Variants in IPO8 observed in about 807,000 individuals in gnomAD.
IPO8 encodes the protein importin 8.
IPO8 carries 65 observed loss-of-function variants against 141.2 expected under a neutral mutation model. That is an observed-to-expected ratio of 0.46 (90% confidence interval 0.38 to 0.57). The LOEUF (loss-of-function observed/expected upper bound fraction) is 0.57. Among genes scored for constraint, IPO8 ranks in the 20% least tolerant of loss-of-function variants. IPO8 has a pLI of 0.00. For synonymous variants in IPO8, 411 were observed against 420.3 expected, an observed-to-expected ratio of 0.98 and a Z score of 0.27; for missense variants, 980 against 1,246.8, an observed-to-expected ratio of 0.79 and a Z score of 3.22.
At chr12:30,679,771 A>G (rs1378148398) in intron 5 of IPO8, among the ~76,000 whole-genome samples, 2 of 152,216 alleles carry the variant, frequency 1.3e-5, no homozygotes, top group African/African-American at 4.8e-5. Context: ...TCCTCTTCTC[A>G]CGACAAATTC....
At chr12:30,664,756 T>C (rs2052937192) in intron 13 of IPO8, among the ~76,000 whole-genome samples, 1 of 152,016 alleles carries the variant, frequency 6.6e-6, no homozygotes, top group Non-Finnish European at 1.5e-5. Flanking sequence ...TTTCCTTTTT[T>C]TTTGAGACAG....
Position 30,656,688 on chromosome 12 carries a change from T to C in IPO8, c.1944A>G (p.Val648=). 1 of 1,545,630 alleles carries C rather than the reference T, an allele frequency of 6.5e-7. No homozygotes were observed. The highest frequency in any genetic ancestry group is 8.8e-7 in the Non-Finnish European group (1 of 1,136,638). Residue 648 remains valine (V), a synonymous_variant, in exon 17 of 25, where the codon GTA becomes GTG. Transcript: ENST00000256079. The part of the protein sequence containing the change: ...RIIDLVLQKH[V]IEFYEEILSL... ...TTATTTAACCTTTGAACTTACCAAT[T>C]ACATGTTTCTGCAGAACAAGATCAA... is the stretch of plus-strand genomic sequence containing the variant.
chr12:30,636,835 G>T, intron 22 of IPO8, 147 bp downstream of exon 22: 1 of 690,006 alleles, frequency 1.4e-6, no homozygotes, highest in Non-Finnish European at 2.4e-6. Context: ...TTAATAGCAA[G>T]TCAACCAAGC....
In IPO8 at chr12:30,630,383, T is replaced by G. The variant is rs994663771; in HGVS notation, c.*477A>C. The G allele has an allele frequency of 1.3e-5, 2 of 152,860 alleles. No homozygotes were observed. The highest frequency in any genetic ancestry group is 4.8e-5 in the African/African-American group (2 of 41,580). The allele number at this position is 152,860 out of a possible 1,614,324, so 9.5% of individuals were successfully genotyped here. A position where few individuals can be genotyped will look rare whatever the true frequency, so the allele number is the denominator to read the frequency against. ...CTAACAATAAATTCACAGAGTAAAA[T>G]GCAGAATAGTTGACATATAACCAAG... is the stretch of plus-strand genomic sequence containing the variant. On this transcript the variant is annotated 3_prime_UTR_variant, in exon 25 of 25. Coordinates refer to ENST00000256079, the MANE Select transcript of IPO8 (RefSeq NM_006390.4).
Position 30,641,518 on chromosome 12 carries a change from T to C in IPO8, c.2269-1783A>G, listed in dbSNP as rs1043794645. ...CTTTTTTTTTTTTTTTTTTCTTTTTTGGAGACAGAGTCTTGCTCTGTCACC... is the reference window on the plus strand; with the variant it reads ...CTTTTTTTTTTTTTTTTTTCTTTTTCGGAGACAGAGTCTTGCTCTGTCACC... On this transcript the variant is annotated intron_variant, in intron 20 of 24. Coordinates refer to ENST00000256079, the MANE Select transcript of IPO8 (RefSeq NM_006390.4). Among the ~76,000 whole-genome samples the C allele has an allele frequency of 1.3e-4, 19 of 150,774 alleles. No individual in the cohort carries two copies. The South Asian group carries it at 4.0e-3, about 32-fold the overall frequency.
At chr12:30,668,895 A>G (rs1462826957) in intron 10 of IPO8, among the ~76,000 whole-genome samples, 1 of 152,222 alleles carries the variant, frequency 6.6e-6, no homozygotes, top group African/African-American at 2.4e-5. Flanking sequence ...AAAGGCACAA[A>G]AACGGATGGT....
chr12:30,643,861 A>T (rs540315705), intron 20 of IPO8, among the ~76,000 whole-genome samples: 1 of 152,228 alleles, frequency 6.6e-6, no homozygotes, highest in Admixed American at 6.5e-5. Flanking sequence ...TTTATTCTAT[A>T]GTCTTCTGAA....
rs180734465 is a variant in IPO8 at position 30,655,956 on chromosome 12, C to T, written c.1948+728G>A. 1.4e-4 allele frequency among the ~76,000 whole-genome samples: 22 copies of T among 152,336 alleles called. No individual in the cohort carries two copies. In the East Asian group the frequency reaches 3.1e-3, roughly 21 times the overall value. On this transcript the variant is annotated intron_variant, in intron 17 of 24. Transcript: ENST00000256079. ...GAATACGATGGAAGACTCACCTCCT[C>T]TACAAAATTCCCATCAGCTTGTAAC... is the stretch of plus-strand genomic sequence containing the variant.
chr12:30,637,395 T>C (rs985211501), intron 21 of IPO8, among the ~76,000 whole-genome samples: 2 of 152,232 alleles, frequency 1.3e-5, no homozygotes, highest in Non-Finnish European at 2.9e-5. Context: ...ATTGGGAGTC[T>C]GCAATTAACA....
At chr12:30,667,779 C>G (rs1363175811) in intron 10 of IPO8, among the ~76,000 whole-genome samples, 13 of 152,136 alleles carry the variant, frequency 8.5e-5, no homozygotes, top group Non-Finnish European at 4.4e-5. Context: ...GTATGTATAC[C>G]TATCTTATCA....
At chr12:30,674,904 G>C (rs2136163994) in intron 6 of IPO8, 151 bp from the exon 7 acceptor site, 2 of 628,722 alleles carry the variant, frequency 3.2e-6, no homozygotes, top group Non-Finnish European at 5.7e-6. Context: ...AGATTGCTAG[G>C]CAGGAATTAA....
chr12:30,669,531 T>C (rs1287605077), intron 9 of IPO8, among the ~76,000 whole-genome samples: 1 of 152,138 alleles, frequency 6.6e-6, no homozygotes, highest in Non-Finnish European at 1.5e-5. Flanking sequence ...GTGACTCATG[T>C]CTGTAATCCT....
intron 8 of IPO8, among the ~76,000 whole-genome samples, chr12:30,673,553 T>A (rs2053079698): frequency 6.6e-6 from 1 of 152,200 alleles, no homozygotes; most frequent in African/African-American, 2.4e-5. Context: ...AGTTCTCAGC[T>A]AAGAGTCTTG....
chr12:30,678,989 G>A (rs1232995248), intron 5 of IPO8, among the ~76,000 whole-genome samples: 3 of 152,154 alleles, frequency 2.0e-5, no homozygotes, highest in African/African-American at 4.8e-5. Context: ...AGAGGCACCC[G>A]CCATCATTTC....
chr12:30,674,034 A>G lies in IPO8; in HGVS notation c.865T>C (p.Phe289Leu). ...PGNVTKEYFE[F>L]SEFFLKTYAV... ...TAGGTTTTCAAAAAGAATTCAGAAA[A>G]TTCAAAGTATTCTTTTGTGACATTT... The change falls in exon 8 of 25, where the codon TTT becomes CTT. Residue 289 changes from phenylalanine to leucine, a missense_variant. By Grantham distance (22) the Phe-to-Leu change is conservative. Around this residue, in one of 3 missense-constraint regions of IPO8, gnomAD observed 924 missense variants for 1,153.9 expected, o/e 0.80. Transcript: ENST00000256079. 6.3e-7 allele frequency: 1 copy of G among 1,593,592 alleles called. No homozygotes were observed.
At position 30,695,608 on chromosome 12, in the gene IPO8, T is replaced by C; in HGVS notation, c.40A>G (p.Ile14Val). ...GCTGCAATCCGCAACTTCGGGTCGA[T>C]GGTGCCCTTCAGCGCCTGGATGATC... Reference protein sequence around the residue: ...NRIIQALKGTIDPKLRIAAEN... With the variant: ...NRIIQALKGTVDPKLRIAAEN... The change falls in exon 1 of 25, where the codon ATC becomes GTC. Residue 14 changes from isoleucine (I) to valine (V), a missense_variant. Physicochemically the swap from Ile to Val is conservative, Grantham distance 29. This residue lies in a region of IPO8 where 40 missense variants were observed against 46.3 expected (regional missense o/e 0.86). Coordinates refer to ENST00000256079, the MANE Select transcript of IPO8 (RefSeq NM_006390.4). The surrounding 1 kb of genome is among the most constrained non-coding windows in gnomAD (Gnocchi z 4.2). The C allele has an allele frequency of 6.2e-7, 1 of 1,614,164 alleles. No homozygotes were observed. The highest frequency in any genetic ancestry group is 8.5e-7 in the Non-Finnish European group (1 of 1,180,000).
chr12:30,675,663 TAA>T, intron 6 of IPO8, among the ~76,000 whole-genome samples: 1 of 127,188 alleles, frequency 7.9e-6, no homozygotes, highest in Non-Finnish European at 1.7e-5. Context: ...CTGTCTCTAC[TAA>T]AAAAAAAAAC....
Position 30,634,131 on chromosome 12 carries a change from G to A in IPO8, c.2851C>T (p.Leu951Phe). The A allele has an allele frequency of 3.1e-6, 5 of 1,613,924 alleles. No individual in the cohort carries two copies. The highest frequency in any genetic ancestry group is 4.2e-6 in the Non-Finnish European group (5 of 1,179,886). ...ALEGFSTPLD[L>F]DNSVDEYQFF... ...TGATATTCATCCACACTATTGTCAA[G>A]GTCAAGTGGAGTACTGAACCCCTCA... is the stretch of plus-strand genomic sequence containing the variant. The change falls in exon 23 of 25, where the codon CTT (leucine) becomes TTT (phenylalanine). Residue 951 changes from leucine to phenylalanine, a missense_variant. Physicochemically the swap from Leu to Phe is conservative, Grantham distance 22. Around this residue, in one of 3 missense-constraint regions of IPO8, gnomAD observed 924 missense variants for 1,153.9 expected, o/e 0.80. Coordinates refer to ENST00000256079, the MANE Select transcript of IPO8 (RefSeq NM_006390.4).
chr12:30,665,792 A>G lies in IPO8; in HGVS notation c.1275T>C (p.Phe425=), dbSNP rs1280303729. ...FCYQILTDPN[F]DPRKKDGALH... ...GGGCTCCATCTTTCTTCCTAGGGTC[A>G]AAGTTCGGGTCTGTCAGGATTTGAT... Residue 425 remains phenylalanine, a synonymous_variant, in exon 12 of 25, where the codon TTT becomes TTC. Transcript: ENST00000256079. The G allele has an allele frequency of 3.7e-6, 6 of 1,613,740 alleles. No individual in the cohort carries two copies. The highest frequency in any genetic ancestry group is 5.1e-6 in the Non-Finnish European group (6 of 1,179,866).
Sources: gnomAD v4.1 joint callset for allele counts (sites outside exome capture counted in the v4.1 genomes callset) on GRCh38, gnomAD v4.1.1 for gene constraint, gnomAD v4.1.1 regional missense constraint, Gnocchi (gnomAD v3.1) non-coding constraint, MANE v1.5 for transcripts, NCBI Gene and HGNC (gene_info 2026-07-23, HGNC 2026-07-21) for gene names.